LRIG2: variants seen among roughly 807,000 people sequenced by gnomAD.
LRIG2 encodes leucine-rich repeats and immunoglobulin-like domains protein 2.
Under a neutral mutation model 107.8 loss-of-function variants are expected in LRIG2, and 93 were observed. The observed-to-expected ratio is 0.86, with a 90% CI of 0.73 to 1.03. The LOEUF is 1.03. LRIG2 is among the 50% of genes least tolerant of loss of function. The pLI is 0.00. For synonymous variants in LRIG2, 471 were observed against 470.6 expected, an observed-to-expected ratio of 1.00 and a Z score of -0.01; for missense variants, 1,226 against 1,296.0, an observed-to-expected ratio of 0.95 and a Z score of 0.83.
In LRIG2 at chr1:113,114,864, A is replaced by T; in HGVS notation, c.2518A>T (p.Ile840Phe). The change falls in exon 15 of 18, where the codon ATC (isoleucine) becomes TTC (phenylalanine). Residue 840 changes from isoleucine to phenylalanine, a missense_variant. Coordinates refer to ENST00000361127, the MANE Select transcript of LRIG2 (RefSeq NM_014813.3). ...GAGAAGGAAAAATGAAGACTATAGT[A>T]TCACAAACACAGGTAAGTAGTACCC... The part of the protein sequence containing the change: ...HMRRKNEDYS[I>F]TNTEELNLPA... The T allele has an allele frequency of 6.2e-7, 1 of 1,608,196 alleles. No homozygotes were observed.
chr1:113,085,596 CTTTACCTAA>C (rs1653513864), intron 1 of LRIG2, among the ~76,000 whole-genome samples: 1 of 152,102 alleles, frequency 6.6e-6, no homozygotes, highest in Admixed American at 6.6e-5. Context: ...TCCTGAAGAT[CTTTACCTAA>C]TGTTTATCCA....
Position 113,124,003 on chromosome 1 carries a change from G to C in LRIG2, c.3100G>C (p.Asp1034His), listed in dbSNP as rs1215266362. 15 of 1,613,992 alleles carry C rather than the reference G, an allele frequency of 9.3e-6. No individual in the cohort carries two copies. Among genetic ancestry groups the C allele is most frequent in the Non-Finnish European group, 1.3e-5 (15 of 1,180,036 alleles). ...TGAGGGCCTGGCAGGGAGAGAGCCA[G>C]ACTGTTCTGCTTCTTCCATGTCCTG... ...QNEGLAGREP[D>H]CSASSMSCHR... The change falls in exon 18 of 18, where the codon GAC becomes CAC. Residue 1034 changes from aspartate (D) to histidine (H), a missense_variant. Around this residue, in one of 3 missense-constraint regions of LRIG2, gnomAD observed 642 missense variants for 712.2 expected, o/e 0.90. Coordinates refer to ENST00000361127, the MANE Select transcript of LRIG2 (RefSeq NM_014813.3).
In LRIG2 at chr1:113,119,515, T is replaced by C. The variant is rs1422410273; in HGVS notation, c.2963T>C (p.Met988Thr). 1 of 1,613,608 alleles carries C rather than the reference T, an allele frequency of 6.2e-7. No homozygotes were observed. The highest frequency in any genetic ancestry group is 1.7e-5 in the Admixed American group (1 of 59,888). ...ISEKKLPSTQ[M>T]SGETLQRPVW... Reference sequence around the variant, plus strand: ...GAGAAGAAACTTCCCTCCACACAGATGAGCGGTGGTAAGGGATGTATTTTT... The same window carrying C: ...GAGAAGAAACTTCCCTCCACACAGACGAGCGGTGGTAAGGGATGTATTTTT... The change falls in exon 17 of 18, where the codon ATG becomes ACG. Residue 988 changes from methionine (M) to threonine (T), a missense_variant. Physicochemically the swap from Met to Thr is moderately conservative, Grantham distance 81. Around this residue, in one of 3 missense-constraint regions of LRIG2, gnomAD observed 642 missense variants for 712.2 expected, o/e 0.90. Coordinates refer to ENST00000361127, the MANE Select transcript of LRIG2 (RefSeq NM_014813.3).
intron 12 of LRIG2, among the ~76,000 whole-genome samples, chr1:113,108,294 G>T (rs546689606): frequency 4.7e-5 from 7 of 150,128 alleles, no homozygotes; most frequent in Non-Finnish European, 5.9e-5. Flanking sequence ...TGCGATCTCA[G>T]CTCACTGCAA....
chr1:113,095,824 G>A, intron 6 of LRIG2, 50 bp from the exon 7 acceptor site: 1 of 1,604,694 alleles, frequency 6.2e-7, no homozygotes, highest in Non-Finnish European at 8.5e-7. Context: ...GCTAGTTATT[G>A]AACTGCCTTG....
chr1:113,111,030 T>A (rs1654754203), intron 13 of LRIG2, among the ~76,000 whole-genome samples: 1 of 152,010 alleles, frequency 6.6e-6, no homozygotes, highest in African/African-American at 2.4e-5. Flanking sequence ...TTATTTATTT[T>A]AATTTCTCTT....
At position 113,127,471 on chromosome 1, in the gene LRIG2, A is replaced by G. The variant is rs1420520248; in HGVS notation, c.*3370A>G. The G allele has an allele frequency of 6.8e-6, 1 of 146,886 alleles. No homozygotes were observed. Among genetic ancestry groups the G allele is most frequent in the Admixed American group, 7.0e-5 (1 of 14,324 alleles). The allele number at this position is 146,886 out of a possible 1,614,324, so 9.1% of individuals were successfully genotyped here. On this transcript the variant is annotated 3_prime_UTR_variant, in exon 18 of 18. Transcript: ENST00000361127. ...GGTCTTGAACTCCTGACCTCAGGTG[A>G]TCTGCTTGCCTTGGCCTCCCAAAGT... is the stretch of plus-strand genomic sequence containing the variant.
rs770931909 is a variant in LRIG2 at position 113,119,298 on chromosome 1, C to G, written c.2746C>G (p.Arg916Gly). 3.7e-6 allele frequency: 6 copies of G among 1,614,012 alleles called. No homozygotes were observed. Among genetic ancestry groups the G allele is most frequent in the Non-Finnish European group, 5.1e-6 (6 of 1,180,004 alleles). The change falls in exon 17 of 18, where the codon CGA (arginine) becomes GGA (glycine). Residue 916 changes from arginine (R) to glycine (G), a missense_variant. By Grantham distance (125) the Arg-to-Gly change is moderately radical. Around this residue, in one of 3 missense-constraint regions of LRIG2, gnomAD observed 642 missense variants for 712.2 expected, o/e 0.90. Transcript: ENST00000361127. ...CAATGCCAACATCTACTCCAGGACCCGAGAATACTGTCCATACACCTATAT... is the reference window on the plus strand; with the variant it reads ...CAATGCCAACATCTACTCCAGGACCGGAGAATACTGTCCATACACCTATAT... ...YDNANIYSRT[R>G]EYCPYTYIAE...
rs1331333665 is a variant in LRIG2, at chr1:113,089,859, A to AT, written c.240-1451dup. Among the ~76,000 whole-genome samples the AT allele has an allele frequency of 2.4e-3, 364 of 150,398 alleles. 1 individual carries two copies. Among genetic ancestry groups the AT allele is most frequent in the Non-Finnish European group, 4.3e-3 (291 of 67,520 alleles). On this transcript the variant is annotated intron_variant, in intron 1 of 17. Transcript: ENST00000361127. ...AGGTGCGTGCCACCATGCCTGGCTA[A>AT]TTTTTTTTGTATTTTTAGTAGAGAT...
At chr1:113,075,572 T>C (rs1214590515) in intron 1 of LRIG2, among the ~76,000 whole-genome samples, 2 of 152,152 alleles carry the variant, frequency 1.3e-5, no homozygotes, top group Non-Finnish European at 2.9e-5. Flanking sequence ...CTCTTTGTTA[T>C]GCAGCAAGTG....
intron 6 of LRIG2, among the ~76,000 whole-genome samples, chr1:113,094,982 A>G (rs145193564): frequency 2.0e-5 from 1 of 50,440 alleles, no homozygotes; most frequent in African/African-American, 3.8e-5. Flanking sequence ...ATATATATAT[A>G]TATTTTTTTT....
In LRIG2 at chr1:113,094,475, C is replaced by A. The variant is rs1200975640; in HGVS notation, c.652C>A (p.Gln218Lys). Reference protein sequence around the residue: ...PPKIFKLPHLQFLELKRNRIK... With the variant: ...PPKIFKLPHLKFLELKRNRIK... The stretch of plus-strand genomic sequence containing the variant: ...TAAGATCTTCAAGCTGCCTCACCTC[C>A]AATTCTTGTGAGTAACGAAATAGAC... Residue 218 changes from glutamine to lysine, a missense_variant, in exon 5 of 18, where the codon CAA becomes AAA. Physicochemically the swap from Gln to Lys is moderately conservative, Grantham distance 53. Transcript: ENST00000361127. 3 of 1,607,622 alleles carry A rather than the reference C, an allele frequency of 1.9e-6. No homozygotes were observed. Among genetic ancestry groups the A allele is most frequent in the Middle Eastern group, 1.7e-4 (1 of 6,054 alleles).
intron 8 of LRIG2, among the ~76,000 whole-genome samples, chr1:113,097,152 G>A (rs1002068646): frequency 2.6e-5 from 4 of 151,342 alleles, no homozygotes; most frequent in Non-Finnish European, 5.9e-5. Flanking sequence ...CAGAATATAA[G>A]AATGTGTTTT....
At chr1:113,100,028 G>A (rs1001906688) in intron 9 of LRIG2, among the ~76,000 whole-genome samples, 183 bp from the exon 10 acceptor site, 8 of 152,086 alleles carry the variant, frequency 5.3e-5, no homozygotes, top group South Asian at 2.1e-4. Context: ...AAAAATGCAC[G>A]TTCTCATCAA....
At chr1:113,115,096 G>A (rs1654947368) in intron 15 of LRIG2, among the ~76,000 whole-genome samples, 1 of 152,190 alleles carries the variant, frequency 6.6e-6, no homozygotes, top group African/African-American at 2.4e-5. Context: ...AAAAACTGAA[G>A]AGCTGTGATA....
rs753018088 is a variant in LRIG2 at position 113,114,815 on chromosome 1, C to T, written c.2469C>T (p.Ile823=). 6.2e-7 allele frequency: 1 copy of T among 1,614,012 alleles called. No individual in the cohort carries two copies. The highest frequency in any genetic ancestry group is 8.5e-7 in the Non-Finnish European group (1 of 1,180,028). ...VVCCVVGTSL[I]WVIVIYHMRR... ...GCTGTGTTGTTGGCACTTCTTTGAT[C>T]TGGGTCATTGTTATTTACCACATGA... is the stretch of plus-strand genomic sequence containing the variant. Residue 823 remains isoleucine (I), a synonymous_variant, in exon 15 of 18, where the codon ATC becomes ATT. Coordinates refer to ENST00000361127, the MANE Select transcript of LRIG2 (RefSeq NM_014813.3).
chr1:113,091,522 C>T, intron 2 of LRIG2, 139 bp downstream of exon 2: 1 of 583,082 alleles, frequency 1.7e-6, no homozygotes, highest in Non-Finnish European at 3.0e-6. Flanking sequence ...ATTTGAAAAC[C>T]TAAAATGTTT....
intron 16 of LRIG2, among the ~76,000 whole-genome samples, chr1:113,118,767 C>T (rs1655121164): frequency 6.6e-6 from 1 of 152,018 alleles, no homozygotes; most frequent in African/African-American, 2.4e-5. Flanking sequence ...CGGGTTCACG[C>T]CATCTTCCTG....
In LRIG2 at chr1:113,114,515, T is replaced by A. The variant is rs1198521946; in HGVS notation, c.2169T>A (p.Pro723=). ...TACAGTGCATAGCTGGAGGGAGTCC[T>A]GCCCCTCGTCTCAACTGGACTAAAG... ...AVLQCIAGGS[P]APRLNWTKDD... The change falls in exon 15 of 18, where the codon CCT becomes CCA. Residue 723 remains proline (P), a synonymous_variant. Coordinates refer to ENST00000361127, the MANE Select transcript of LRIG2 (RefSeq NM_014813.3). 3 of 1,614,108 alleles carry A rather than the reference T, an allele frequency of 1.9e-6. No homozygotes were observed. The highest frequency in any genetic ancestry group is 2.5e-6 in the Non-Finnish European group (3 of 1,179,998).
Sources: gnomAD v4.1 joint callset for allele counts (sites outside exome capture counted in the v4.1 genomes callset) on GRCh38, gnomAD v4.1.1 for gene constraint, gnomAD v4.1.1 regional missense constraint, MANE v1.5 for transcripts, NCBI Gene and HGNC (gene_info 2026-07-23, HGNC 2026-07-21) for gene names.